ARHGEF18: variants seen among roughly 807,000 people sequenced by gnomAD.
ARHGEF18 encodes the protein Rho/Rac guanine nucleotide exchange factor 18, also known as rho guanine nucleotide exchange factor 18.
Under a neutral mutation model 155.7 loss-of-function variants are expected in ARHGEF18, and 93 were observed. That is an observed-to-expected ratio of 0.60 (90% CI 0.50 to 0.71). The LOEUF (loss-of-function observed/expected upper bound fraction) is 0.71. ARHGEF18 is among the 30% of genes least tolerant of loss of function. The probability of loss-of-function intolerance (pLI) is 0.00; values close to 1 mark genes in which losing one functional copy is unlikely to be tolerated. For synonymous variants in ARHGEF18, 742 were observed against 753.1 expected (o/e 0.99, Z 0.24); for missense variants, 1,593 against 1,816.1 (o/e 0.88, Z 2.23).
At chr19:7,476,123 C>T (rs911253744), downstream of ARHGEF18, among the ~76,000 whole-genome samples, 4 of 152,200 alleles carry the variant, frequency 2.6e-5, no homozygotes, top group Non-Finnish European at 4.4e-5. Flanking sequence ...CCAGCCTGGG[C>T]AATGTGGTGA....
At chr19:7,476,204 A>G (rs192416573), downstream of ARHGEF18, among the ~76,000 whole-genome samples, 4 of 152,356 alleles carry the variant, frequency 2.6e-5, no homozygotes, top group African/African-American at 9.6e-5. Flanking sequence ...CCTGCTATTC[A>G]GGAGGCTGAG....
chr19:7,422,365 C>T (rs920425101), intron 10 of ARHGEF18, among the ~76,000 whole-genome samples: 28 of 151,946 alleles, frequency 1.8e-4, no homozygotes, highest in African/African-American at 6.3e-4. Flanking sequence ...CCCCCCCGCC[C>T]CGCGCAGCCT....
intron 5 of ARHGEF18, among the ~76,000 whole-genome samples, chr19:7,377,380 T>C (rs1177551042): frequency 6.6e-6 from 1 of 150,576 alleles, no homozygotes; most frequent in African/African-American, 2.5e-5. Flanking sequence ...ATTCTGACTA[T>C]TTCTTTATCT....
intron 10 of ARHGEF18, among the ~76,000 whole-genome samples, chr19:7,437,999 C>T (rs1369132709): frequency 1.6e-5 from 2 of 121,492 alleles, no homozygotes; most frequent in Non-Finnish European, 3.5e-5. Flanking sequence ...CTCTCTCCTC[C>T]CCTCCCCTCC....
intron 13 of ARHGEF18, among the ~76,000 whole-genome samples, chr19:7,443,942 G>A (rs1007410227): frequency 2.0e-5 from 3 of 151,702 alleles, no homozygotes; most frequent in Non-Finnish European, 2.9e-5. Flanking sequence ...AATGTCGTCC[G>A]TTGGGTTGAC....
intron 23 of ARHGEF18, 110 bp from the exon 24 acceptor site, chr19:7,466,804 CAAAA>C (rs965666634): frequency 2.9e-3 from 1,438 of 493,284 alleles, no homozygotes; most frequent in Non-Finnish European, 3.2e-3. Context: ...AATTCCGTCT[CAAAA>C]AAAAAAAAAA....
chr19:7,400,950 A>G (rs76009346), intron 10 of ARHGEF18, among the ~76,000 whole-genome samples: 1,553 of 152,320 alleles, frequency 0.01, 19 homozygotes, highest in African/African-American at 0.023. Flanking sequence ...GGAATCTAGC[A>G]TCATCTTGCA....
In ARHGEF18 at chr19:7,377,077, T is replaced by C. The variant is rs565282078; in HGVS notation, c.541+320T>C. ...AGATTCTCTCTTCTCTCTATGACTCTTTTTTTTTTTTGAGATAGAGTCTTG... is the reference window on the plus strand; with the variant it reads ...AGATTCTCTCTTCTCTCTATGACTCCTTTTTTTTTTTGAGATAGAGTCTTG... On this transcript the variant is annotated intron_variant, in intron 5 of 28. Transcript: ENST00000668164. Among the ~76,000 whole-genome samples the C allele has an allele frequency of 5.5e-3, 346 of 62,714 alleles. 11 individuals are homozygous for C. The East Asian group carries it at 0.13, about 24-fold the overall frequency. The allele number at this position is 62,714 out of a possible 152,430, so 41.1% of individuals were successfully genotyped here. A position where few individuals can be genotyped will look rare whatever the true frequency, so the allele number is the denominator to read the frequency against.
intron 10 of ARHGEF18, among the ~76,000 whole-genome samples, chr19:7,411,276 CT>C (rs1436658432): frequency 3.6e-5 from 4 of 110,552 alleles, no homozygotes; most frequent in Non-Finnish European, 8.3e-5. Context: ...TCCCCTTCCC[CT>C]TTCCCTTTCC....
intron 2 of ARHGEF18, among the ~76,000 whole-genome samples, chr19:7,363,798 AGGAT>A (rs1433049690): frequency 2.0e-5 from 3 of 151,404 alleles, no homozygotes; most frequent in Non-Finnish European, 4.4e-5. Context: ...GAATGAAGGA[AGGAT>A]GGATGGATAA....
chr19:7,350,012 C>T (rs897859335), intron 1 of ARHGEF18, among the ~76,000 whole-genome samples: 18 of 152,194 alleles, frequency 1.2e-4, no homozygotes, highest in African/African-American at 3.9e-4. Flanking sequence ...ATCCAGAGAG[C>T]ACATCCCTCC....
At chr19:7,418,497 C>G (rs1973141963) in intron 10 of ARHGEF18, among the ~76,000 whole-genome samples, 1 of 150,948 alleles carries the variant, frequency 6.6e-6, no homozygotes, top group African/African-American at 2.5e-5. Flanking sequence ...TCAAGCATTC[C>G]TCCCACTCTG....
In ARHGEF18 at chr19:7,462,118, C is replaced by T. The variant is rs749840957; in HGVS notation, c.2453-34C>T. The T allele has an allele frequency of 3.1e-6, 5 of 1,613,210 alleles. No individual in the cohort carries two copies. The highest frequency in any genetic ancestry group is 4.2e-6 in the Non-Finnish European group (5 of 1,179,872). ...TCAGATGATTCCAGGGAAGGCCGAC[C>T]CGGCTGACTGCCACCTCCACCATCA... is the stretch of plus-strand genomic sequence containing the variant. On this transcript the variant is annotated intron_variant, in intron 20 of 28. Transcript: ENST00000668164. This position sits in a 1 kb window ranked among gnomAD's most constrained non-coding sequence, Gnocchi z 4.4.
At chr19:7,350,450 A>C (rs1467849660) in intron 1 of ARHGEF18, among the ~76,000 whole-genome samples, 1 of 152,108 alleles carries the variant, frequency 6.6e-6, no homozygotes, top group Non-Finnish European at 1.5e-5. Context: ...TGTGACTGGG[A>C]GTCACTCTGG....
intron 10 of ARHGEF18, among the ~76,000 whole-genome samples, chr19:7,411,421 C>G (rs1381464817): frequency 6.6e-6 from 1 of 152,060 alleles, no homozygotes. Context: ...GTTCTCCTGC[C>G]TCAGCCTCCC....
At chr19:7,452,220 C>T (rs1975525842) in intron 16 of ARHGEF18, among the ~76,000 whole-genome samples, 1 of 152,200 alleles carries the variant, frequency 6.6e-6, no homozygotes, top group Non-Finnish European at 1.5e-5. Context: ...CCAGAGATGG[C>T]CTCTGTGTCA....
intron 1 of ARHGEF18, among the ~76,000 whole-genome samples, chr19:7,353,588 C>G (rs1288404363): frequency 7.1e-6 from 1 of 140,074 alleles, no homozygotes; most frequent in African/African-American, 2.7e-5. Context: ...GAAACTCCAT[C>G]TCAAAAAAAA....
chr19:7,356,646 G>A (rs1490303034), intron 1 of ARHGEF18, among the ~76,000 whole-genome samples: 1 of 152,118 alleles, frequency 6.6e-6, no homozygotes, highest in Admixed American at 6.6e-5. Context: ...GGTACGTAGG[G>A]CATGAGAGGA....
intron 10 of ARHGEF18, among the ~76,000 whole-genome samples, chr19:7,423,003 G>A (rs1973453272): frequency 6.6e-6 from 1 of 152,036 alleles, no homozygotes; most frequent in Non-Finnish European, 1.5e-5. Flanking sequence ...ACAGTCATAA[G>A]CTACCCCACC....
Sources: gnomAD v4.1 joint callset for allele counts (sites outside exome capture counted in the v4.1 genomes callset) on GRCh38, gnomAD v4.1.1 for gene constraint, Gnocchi (gnomAD v3.1) non-coding constraint, MANE v1.5 for transcripts, NCBI Gene and HGNC (gene_info 2026-07-23, HGNC 2026-07-21) for gene names.